ADAM23: variants seen among roughly 807,000 people sequenced by gnomAD.
The protein encoded by ADAM23 is disintegrin and metalloproteinase domain-containing protein 23.
Under a neutral mutation model 120.1 loss-of-function variants are expected in ADAM23, and 33 were observed. The observed-to-expected ratio is 0.27, with a 90% CI of 0.21 to 0.37. ADAM23 has a LOEUF of 0.37. ADAM23 is among the 10% of genes least tolerant of loss of function. The pLI is 1.00. For synonymous variants in ADAM23, 367 were observed against 375.2 expected, an observed-to-expected ratio of 0.98 and a Z score of 0.25; for missense variants, 862 against 1,058.2, an observed-to-expected ratio of 0.81 and a Z score of 2.57.
rs1000231422 is a variant in ADAM23 at position 206,618,755 on chromosome 2, T to C, written c.*1128T>C. On this transcript the variant is annotated 3_prime_UTR_variant, in exon 26 of 26. Transcript: ENST00000264377. Reference sequence around the variant, plus strand: ...AATAACCCATATCAAAGACACAAAATTATGTAAATGGAAATATATGTACTA... The same window carrying C: ...AATAACCCATATCAAAGACACAAAACTATGTAAATGGAAATATATGTACTA... 9.2e-5 allele frequency: 14 copies of C among 152,166 alleles called. No individual in the cohort carries two copies. The highest frequency in any genetic ancestry group is 3.1e-4 in the African/African-American group (13 of 41,422). 9.4% of individuals were successfully genotyped at this position (152,166 alleles called of 1,614,324 possible).
At chr2:206,550,438 A>T (rs1009893244) in intron 9 of ADAM23, among the ~76,000 whole-genome samples, 2 of 151,842 alleles carry the variant, frequency 1.3e-5, no homozygotes, top group African/African-American at 4.8e-5. Flanking sequence ...TTCTTCATCT[A>T]TGTATTTGGT....
intron 2 of ADAM23, among the ~76,000 whole-genome samples, chr2:206,459,310 A>G (rs1426405133): frequency 6.6e-6 from 1 of 152,174 alleles, no homozygotes; most frequent in Admixed American, 6.5e-5. Context: ...GGAAATGGTT[A>G]ATTATTATTC....
chr2:206,471,424 C>CAGA (rs905374599), intron 2 of ADAM23, among the ~76,000 whole-genome samples: 3 of 152,072 alleles, frequency 2.0e-5, no homozygotes, highest in African/African-American at 7.2e-5. Flanking sequence ...TTCCAAGGAC[C>CAGA]AGAGTAGGCA....
At chr2:206,480,513 A>G (rs1451818406) in intron 2 of ADAM23, among the ~76,000 whole-genome samples, 2 of 150,672 alleles carry the variant, frequency 1.3e-5, no homozygotes, top group African/African-American at 4.9e-5. Flanking sequence ...TATGTTAGCT[A>G]ATACTTTGAC....
chr2:206,576,623 A>G (rs540471097), intron 18 of ADAM23, among the ~76,000 whole-genome samples: 11 of 152,228 alleles, frequency 7.2e-5, no homozygotes, highest in Non-Finnish European at 1.6e-4. Flanking sequence ...AATTAATACT[A>G]CTAATAATTA....
intron 21 of ADAM23, 32 bp from the exon 22 acceptor site, chr2:206,592,585 C>T: frequency 6.2e-7 from 1 of 1,602,266 alleles, no homozygotes; most frequent in Non-Finnish European, 8.5e-7. Flanking sequence ...TTCCTCCTGT[C>T]TGGTCTGTTT....
At chr2:206,554,420 A>T (rs1697597857) in intron 9 of ADAM23, among the ~76,000 whole-genome samples, 1 of 152,174 alleles carries the variant, frequency 6.6e-6, no homozygotes, top group Non-Finnish European at 1.5e-5. Context: ...AAGTGCATAA[A>T]GTGCATGAAA....
At chr2:206,472,289 C>T (rs1187650622) in intron 2 of ADAM23, among the ~76,000 whole-genome samples, 1 of 152,138 alleles carries the variant, frequency 6.6e-6, no homozygotes, top group Non-Finnish European at 1.5e-5. Context: ...CTTCCTCTTT[C>T]TCTTCAGCGT....
At chr2:206,537,753 CTT>C (rs1697208488) in intron 4 of ADAM23, among the ~76,000 whole-genome samples, 1 of 152,070 alleles carries the variant, frequency 6.6e-6, no homozygotes, top group African/African-American at 2.4e-5. Context: ...AAAAATGACT[CTT>C]TTACTTGCGT....
At chr2:206,491,946 G>A (rs1387233465) in intron 3 of ADAM23, among the ~76,000 whole-genome samples, 1 of 152,194 alleles carries the variant, frequency 6.6e-6, no homozygotes, top group African/African-American at 2.4e-5. Context: ...TTGATGGATA[G>A]ATTTCCATTG....
chr2:206,591,999 T>G lies in ADAM23; in HGVS notation c.1959-618T>G, dbSNP rs1360392902. 2.6e-5 allele frequency among the ~76,000 whole-genome samples: 4 copies of G among 152,182 alleles called. No individual in the cohort carries two copies. In the East Asian group the frequency reaches 7.7e-4, roughly 29 times the overall value. On this transcript the variant is annotated intron_variant, in intron 21 of 25. Transcript: ENST00000264377. The stretch of plus-strand genomic sequence containing the variant: ...TTTGCCCATTTTTTAGGAGTCATTG[T>G]TTACTTAACAGATAGACTGGAGGTA...
chr2:206,608,010 T>C, intron 24 of ADAM23: 1 of 437,050 alleles, frequency 2.3e-6, no homozygotes. Context: ...ATAGAGTATG[T>C]ACATGGTTAT....
At chr2:206,592,796 G>A in intron 22 of ADAM23, 60 bp downstream of exon 22, 2 of 1,522,914 alleles carry the variant, frequency 1.3e-6, no homozygotes, top group South Asian at 1.3e-5. Context: ...TTCACAAAAT[G>A]AAATTTCAAA....
intron 2 of ADAM23, among the ~76,000 whole-genome samples, chr2:206,461,774 A>T (rs529262362): frequency 6.6e-6 from 1 of 152,180 alleles, no homozygotes; most frequent in East Asian, 1.9e-4. Flanking sequence ...GGTATGGGCC[A>T]TTGAATTAGG....
chr2:206,443,764 C>T lies in ADAM23; in HGVS notation c.-103C>T, dbSNP rs2105842962. 1.8e-6 allele frequency: 1 copy of T among 559,516 alleles called. No individual in the cohort carries two copies. Among genetic ancestry groups the T allele is most frequent in the East Asian group, 1.4e-4 (1 of 7,054 alleles). The allele number at this position is 559,516 out of a possible 1,614,324, so 34.7% of individuals were successfully genotyped here. A position where few individuals can be genotyped will look rare whatever the true frequency, so the allele number is the denominator to read the frequency against. ...CCGGAGCCCCCTGCCCGCCGCGGCA[C>T]CATGCGCGCCGAGCCGGCGTGACCG... On this transcript the variant is annotated 5_prime_UTR_variant, in exon 1 of 26. Transcript: ENST00000264377.
intron 3 of ADAM23, among the ~76,000 whole-genome samples, chr2:206,489,109 C>A (rs779046313): frequency 3.3e-5 from 5 of 152,146 alleles, no homozygotes; most frequent in Non-Finnish European, 5.9e-5. Flanking sequence ...CCTCATTTTT[C>A]TCTTGTGGTC....
chr2:206,592,569 G>A lies in ADAM23; in HGVS notation c.1959-48G>A, dbSNP rs568041579. 3.3e-5 allele frequency: 52 copies of A among 1,570,728 alleles called. No individual in the cohort carries two copies. In the South Asian group the frequency reaches 5.3e-4, roughly 16 times the overall value. On this transcript the variant is annotated intron_variant, in intron 21 of 25. Transcript: ENST00000264377. ...GGACCGAATCGTTTTGATTTTTTGA[G>A]CTTGATTCCTCCTGTCTGGTCTGTT... is the stretch of plus-strand genomic sequence containing the variant.
intron 3 of ADAM23, among the ~76,000 whole-genome samples, chr2:206,522,827 A>G (rs1696871025): frequency 6.7e-6 from 1 of 149,034 alleles, no homozygotes; most frequent in South Asian, 2.1e-4. Flanking sequence ...TGGTTTTATG[A>G]CATACGGGGG....
At chr2:206,469,006 G>A (rs1377144429) in intron 2 of ADAM23, among the ~76,000 whole-genome samples, 4 of 152,210 alleles carry the variant, frequency 2.6e-5, no homozygotes, top group African/African-American at 7.2e-5. Context: ...TCACTACTGC[G>A]ATGACAGCTC....
Sources: allele counts gnomAD v4.1 joint callset (sites outside exome capture counted in the v4.1 genomes callset), GRCh38; gene constraint gnomAD v4.1.1; transcripts MANE v1.5; gene names NCBI Gene and HGNC (gene_info 2026-07-23, HGNC 2026-07-21).